GALNT14: variants seen among roughly 807,000 people sequenced by gnomAD.
GALNT14 encodes the protein polypeptide N-acetylgalactosaminyltransferase 14.
A neutral mutation model predicts 77.5 loss-of-function variants in GALNT14; 60 were observed. The observed-to-expected ratio is 0.77, with a 90% CI of 0.63 to 0.96. The LOEUF is 0.96. Among genes scored for constraint, GALNT14 ranks in the 40% least tolerant of loss-of-function variants. The pLI is 0.00. For synonymous variants in GALNT14, 280 were observed against 281.7 expected (o/e 0.99, Z 0.06); for missense variants, 710 against 731.0 (o/e 0.97, Z 0.33).
intron 1 of GALNT14, among the ~76,000 whole-genome samples, chr2:30,998,168 A>G (rs1558479253): frequency 6.6e-6 from 1 of 152,234 alleles, no homozygotes; most frequent in East Asian, 1.9e-4. Context: ...ACCCCTGGCC[A>G]AGACCATTGC....
intron 1 of GALNT14, among the ~76,000 whole-genome samples, chr2:31,023,755 T>C (rs1671874945): frequency 6.6e-6 from 1 of 151,946 alleles, no homozygotes; most frequent in South Asian, 2.1e-4. Context: ...CTCCTCTGCC[T>C]CCAGATGCCA....
chr2:31,111,116 A>C (rs1646440465), intron 1 of GALNT14, among the ~76,000 whole-genome samples: 1 of 152,208 alleles, frequency 6.6e-6, no homozygotes, highest in Admixed American at 6.5e-5. Context: ...GGCAGAGAAC[A>C]CAATCCTCCC....
At chr2:31,038,417 T>C (rs956881702) in intron 1 of GALNT14, among the ~76,000 whole-genome samples, 5 of 151,964 alleles carry the variant, frequency 3.3e-5, no homozygotes, top group Admixed American at 2.0e-4. Flanking sequence ...TTTTGACAAA[T>C]GCCATAGAGA....
chr2:30,970,304 G>C (rs985824439), intron 2 of GALNT14, among the ~76,000 whole-genome samples: 1 of 152,170 alleles, frequency 6.6e-6, no homozygotes, highest in Admixed American at 6.5e-5. Flanking sequence ...GCCTGCATTT[G>C]AGTCTGGACA....
the GALNT14 span, among the ~76,000 whole-genome samples, chr2:30,899,529 C>A: frequency 6.6e-6 from 1 of 152,020 alleles, no homozygotes; most frequent in Admixed American, 6.5e-5. Context: ...AATAAGGTAA[C>A]CAGCCCTGAC....
intron 1 of GALNT14, among the ~76,000 whole-genome samples, chr2:31,120,471 C>T (rs1678350620): frequency 6.6e-6 from 1 of 152,144 alleles, no homozygotes; most frequent in Admixed American, 6.5e-5. Context: ...GACAATAGCC[C>T]ATTTACGTAA....
At chr2:30,929,334 C>T (rs1414162373) in intron 11 of GALNT14, 61 bp downstream of exon 11, 25 of 1,323,052 alleles carry the variant, frequency 1.9e-5, no homozygotes, top group Middle Eastern at 2.1e-4. Flanking sequence ...CCATTTGCAT[C>T]GGTCCTAGGA....
intron 1 of GALNT14, among the ~76,000 whole-genome samples, chr2:31,101,014 A>G (rs1242759247): frequency 6.6e-6 from 1 of 152,044 alleles, no homozygotes; most frequent in Non-Finnish European, 1.5e-5. Context: ...TATGGTTTCT[A>G]TTGAAGGCAT....
At chr2:31,026,222 G>A (rs1014020284) in intron 1 of GALNT14, among the ~76,000 whole-genome samples, 1 of 152,288 alleles carries the variant, frequency 6.6e-6, no homozygotes, top group African/African-American at 2.4e-5. Context: ...ATCTGCAAAG[G>A]TCAGAGTGTC....
intron 1 of GALNT14, among the ~76,000 whole-genome samples, chr2:31,087,405 G>A (rs1676484154): frequency 6.6e-6 from 1 of 152,112 alleles, no homozygotes; most frequent in African/African-American, 2.4e-5. Context: ...AGTCAACAGA[G>A]AGAAGATATT....
intron 2 of GALNT14, among the ~76,000 whole-genome samples, chr2:30,984,404 G>T (rs1293727629): frequency 6.6e-6 from 1 of 152,190 alleles, no homozygotes; most frequent in South Asian, 2.1e-4. Context: ...CATGGTGCTG[G>T]CCAGGAATGT....
At chr2:31,097,817 T>C (rs531090315) in intron 1 of GALNT14, among the ~76,000 whole-genome samples, 2 of 152,220 alleles carry the variant, frequency 1.3e-5, no homozygotes, top group African/African-American at 4.8e-5. Context: ...TTTTGTGTCA[T>C]GGGAAATGAA....
At chr2:30,904,893 G>A in the GALNT14 span, among the ~76,000 whole-genome samples, 3 of 152,080 alleles carry the variant, frequency 2.0e-5, no homozygotes, top group South Asian at 6.2e-4. Context: ...CCTCAAGTGG[G>A]TCCCTGACCC....
intron 1 of GALNT14, among the ~76,000 whole-genome samples, chr2:31,082,021 T>C (rs1027962908): frequency 1.4e-4 from 21 of 152,224 alleles, no homozygotes; most frequent in Admixed American, 3.3e-4. Flanking sequence ...GTGTTGCCTA[T>C]GTCACATCAA....
chr2:30,938,840 AAG>A (rs1308417055), intron 9 of GALNT14, among the ~76,000 whole-genome samples: 9 of 152,352 alleles, frequency 5.9e-5, no homozygotes, highest in African/African-American at 2.2e-4. Flanking sequence ...CTGTGAAATA[AAG>A]ACAACACAAT....
intron 2 of GALNT14, among the ~76,000 whole-genome samples, chr2:30,974,004 C>CT (rs1668503985): frequency 6.6e-6 from 1 of 152,164 alleles, no homozygotes; most frequent in Non-Finnish European, 1.5e-5. Flanking sequence ...TGGTGGGCAG[C>CT]TTTCAAAGAG....
intron 2 of GALNT14, among the ~76,000 whole-genome samples, chr2:30,984,060 A>T (rs1669150712): frequency 6.6e-6 from 1 of 152,144 alleles, no homozygotes; most frequent in Non-Finnish European, 1.5e-5. Flanking sequence ...TGCAGCCCAC[A>T]CTGGTGCTCA....
intron 1 of GALNT14, among the ~76,000 whole-genome samples, chr2:31,115,222 G>C (rs761633232): frequency 1.4e-4 from 22 of 152,026 alleles, no homozygotes; most frequent in Non-Finnish European, 2.9e-4. Context: ...TTATACTCCA[G>C]ACTGGGTGAC....
At chr2:31,029,573 C>T (rs1244320359) in intron 1 of GALNT14, among the ~76,000 whole-genome samples, 3 of 152,240 alleles carry the variant, frequency 2.0e-5, no homozygotes, top group Non-Finnish European at 4.4e-5. Context: ...GTACAACGCA[C>T]AGGTCACAAC....
Sources: gnomAD v4.1 joint callset for allele counts (sites outside exome capture counted in the v4.1 genomes callset) on GRCh38, gnomAD v4.1.1 for gene constraint, MANE v1.5 for transcripts, NCBI Gene and HGNC (gene_info 2026-07-23, HGNC 2026-07-21) for gene names.